ITPR3: variants seen among roughly 807,000 people sequenced by gnomAD.
ITPR3 encodes inositol 1,4,5-trisphosphate-gated calcium channel ITPR3.
ITPR3 carries 173 observed loss-of-function variants against 293.2 expected under a neutral mutation model. That is an observed-to-expected ratio of 0.59 (90% CI 0.52 to 0.67). The LOEUF is 0.67. Ranked by LOEUF, ITPR3 falls within the 30% of genes least tolerant of loss-of-function variation. ITPR3 has a pLI of 0.00. For synonymous variants in ITPR3, 1,295 were observed against 1,444.4 expected (o/e 0.90, Z 2.35); for missense variants, 2,796 against 3,592.1 (o/e 0.78, Z 5.66).
chr6:33,659,804 A>G (rs1764411737), intron 7 of ITPR3, among the ~76,000 whole-genome samples: 1 of 151,958 alleles, frequency 6.6e-6, no homozygotes, highest in African/African-American at 2.4e-5. Context: ...TCCCTTGTTT[A>G]AGGGGGTGTC....
intron 21 of ITPR3, 37 bp from the exon 22 acceptor site, chr6:33,671,992 A>T: frequency 1.3e-6 from 2 of 1,563,984 alleles, no homozygotes; most frequent in Non-Finnish European, 1.7e-6. Flanking sequence ...AGCCTCTACA[A>T]CCTCCTTGGC....
At position 33,669,119 on chromosome 6, in the gene ITPR3, G is replaced by T. The variant is rs768768980; in HGVS notation, c.2152G>T (p.Gly718Cys). 4.3e-6 allele frequency: 7 copies of T among 1,614,068 alleles called. No individual in the cohort carries two copies. The highest frequency in any genetic ancestry group is 5.9e-6 in the Non-Finnish European group (7 of 1,180,000). The change falls in exon 18 of 58, where the codon GGC becomes TGC. Residue 718 changes from glycine (G) to cysteine (C), a missense_variant. Coordinates refer to ENST00000605930, the MANE Select transcript of ITPR3 (RefSeq NM_002224.4). ...VRQLAQEARA[G>C]NAHDENVLSY... Reference sequence around the variant, plus strand: ...GCAGCTGGCCCAGGAGGCGCGGGCCGGCAACGCCCACGACGAGAATGTGCT... The same window carrying T: ...GCAGCTGGCCCAGGAGGCGCGGGCCTGCAACGCCCACGACGAGAATGTGCT...
chr6:33,684,561 G>T lies in ITPR3; in HGVS notation c.5047-37G>T. Reference sequence around the variant, plus strand: ...TCAGGCCAGTGGTCAGTGGTGGGCTGTACCCACAATGGGGCCTCACTCCCA... The same window carrying T: ...TCAGGCCAGTGGTCAGTGGTGGGCTTTACCCACAATGGGGCCTCACTCCCA... On this transcript the variant is annotated intron_variant, in intron 37 of 57. Coordinates refer to ENST00000605930, the MANE Select transcript of ITPR3 (RefSeq NM_002224.4). The surrounding 1 kb of genome is among the most constrained non-coding windows in gnomAD (Gnocchi z 4.2). 6.2e-7 allele frequency: 1 copy of T among 1,606,810 alleles called. No homozygotes were observed. The highest frequency in any genetic ancestry group is 1.1e-5 in the South Asian group (1 of 90,956).
In ITPR3 at chr6:33,686,062, C is replaced by T. The variant is rs750868601; in HGVS notation, c.5677C>T (p.Arg1893Cys). 7.4e-6 allele frequency: 12 copies of T among 1,613,922 alleles called. No individual in the cohort carries two copies. The highest frequency in any genetic ancestry group is 6.7e-5 in the Admixed American group (4 of 60,002). Residue 1893 changes from arginine to cysteine, a missense_variant, in exon 42 of 58, where the codon CGC becomes TGC. This residue lies in a region of ITPR3 where 704 missense variants were observed against 797.5 expected (regional missense o/e 0.88). Transcript: ENST00000605930. The stretch of plus-strand genomic sequence containing the variant: ...CTTCTGTGCCCCGCAGAACTTCCTG[C>T]GCTGTCAGAACAACAAAACCAACTA... ...NHNRDLQNFL[R>C]CQNNKTNYNL...
rs1158397641 is a variant in ITPR3, at chr6:33,638,803, G to C, written c.90-1681G>C. ...AAGTCAAGAAGTGGGGAGAGACACT[G>C]CCAGGACCAGGTGCCGGAACATGAA... On this transcript the variant is annotated intron_variant, in intron 1 of 57. Transcript: ENST00000605930. This position sits in a 1 kb window ranked among gnomAD's most constrained non-coding sequence, Gnocchi z 4.3. Among the ~76,000 whole-genome samples the C allele has an allele frequency of 6.6e-6, 1 of 152,248 alleles. No homozygotes were observed. The highest frequency in any genetic ancestry group is 1.5e-5 in the Non-Finnish European group (1 of 68,048).
chr6:33,673,607 G>A lies in ITPR3; in HGVS notation c.2945G>A (p.Arg982His), dbSNP rs201668734. ...CTTCTCCAGTTCATCCTCAATGTCC[G>A]CCTGGATTACCGCATATCCTACCTG... is the stretch of plus-strand genomic sequence containing the variant. The part of the protein sequence containing the change: ...LEILQFILNV[R>H]LDYRISYLLS... The change falls in exon 23 of 58, where the codon CGC becomes CAC. Residue 982 changes from arginine to histidine, a missense_variant. Physicochemically the swap from Arg to His is conservative, Grantham distance 29 (BLOSUM62 0). Coordinates refer to ENST00000605930, the MANE Select transcript of ITPR3 (RefSeq NM_002224.4). The A allele has an allele frequency of 1.1e-5, 17 of 1,614,036 alleles. No homozygotes were observed. Among genetic ancestry groups the A allele is most frequent in the East Asian group, 2.2e-5 (1 of 44,864 alleles).
Position 33,686,044 on chromosome 6 carries a change from G to A in ITPR3, c.5668-9G>A, listed in dbSNP as rs763112578. 1 of 1,613,784 alleles carries A rather than the reference G, an allele frequency of 6.2e-7. No individual in the cohort carries two copies. Among genetic ancestry groups the A allele is most frequent in the South Asian group, 1.1e-5 (1 of 91,062 alleles). On this transcript the variant is annotated splice_polypyrimidine_tract_variant and intron_variant, in intron 41 of 57. Transcript: ENST00000605930. ...GCTGTGCTGTGCCCAACCCTTCTGT[G>A]CCCCGCAGAACTTCCTGCGCTGTCA... is the stretch of plus-strand genomic sequence containing the variant.
chr6:33,664,907 A>C lies in ITPR3; in HGVS notation c.1186A>C (p.Thr396Pro). The change falls in exon 12 of 58, where the codon ACG becomes CCG. Residue 396 changes from threonine (T) to proline (P), a missense_variant. Coordinates refer to ENST00000605930, the MANE Select transcript of ITPR3 (RefSeq NM_002224.4). The surrounding 1 kb of genome is among the most constrained non-coding windows in gnomAD (Gnocchi z 4.4). ...CCGGCTGCGGCACCTCTGCACCAAC[A>C]CGTGGATTCAGAGCACCAATGTGCC... ...YVRLRHLCTNTWIQSTNVPID... is the reference protein window; with the variant it reads ...YVRLRHLCTNPWIQSTNVPID... 1 of 1,613,210 alleles carries C rather than the reference A, an allele frequency of 6.2e-7. No homozygotes were observed. The highest frequency in any genetic ancestry group is 1.1e-5 in the South Asian group (1 of 91,046).
chr6:33,684,044 C>A lies in ITPR3; in HGVS notation c.4813C>A (p.Arg1605=). 6.2e-7 allele frequency: 1 copy of A among 1,610,352 alleles called. No individual in the cohort carries two copies. ...LQDIITALEE[R]LKPLVQAELS... The stretch of plus-strand genomic sequence containing the variant: ...GGACATCATCACAGCCCTGGAGGAG[C>A]GGCTGAAGCCCCTGGTACAGGCTGA... Residue 1605 remains arginine, a synonymous_variant, in exon 36 of 58, where the codon CGG becomes AGG. Coordinates refer to ENST00000605930, the MANE Select transcript of ITPR3 (RefSeq NM_002224.4). The surrounding 1 kb of genome is among the most constrained non-coding windows in gnomAD (Gnocchi z 4.2).
At chr6:33,674,404 C>A in intron 24 of ITPR3, 139 bp downstream of exon 24, 1 of 750,286 alleles carries the variant, frequency 1.3e-6, no homozygotes, top group Non-Finnish European at 2.2e-6. Flanking sequence ...GGGCTTTGTG[C>A]TCAGCCCCTC....
In ITPR3 at chr6:33,692,083, G is replaced by A. The variant is rs1765410216; in HGVS notation, c.7458+155G>A. On this transcript the variant is annotated intron_variant, in intron 54 of 57. Transcript: ENST00000605930. The surrounding 1 kb of genome is among the most constrained non-coding windows in gnomAD (Gnocchi z 4.2). Reference sequence around the variant, plus strand: ...CACTTTTCCCTGCTTTCCACACCTGGCCAATTCCATGATATTACTGCTTAG... The same window carrying A: ...CACTTTTCCCTGCTTTCCACACCTGACCAATTCCATGATATTACTGCTTAG... Among the ~76,000 whole-genome samples the A allele has an allele frequency of 6.6e-6, 1 of 152,150 alleles. No homozygotes were observed. The highest frequency in any genetic ancestry group is 2.1e-4 in the South Asian group (1 of 4,828).
rs1046690945 is a variant in ITPR3, at chr6:33,633,650, G to T, written c.90-6834G>T. On this transcript the variant is annotated intron_variant, in intron 1 of 57. Coordinates refer to ENST00000605930, the MANE Select transcript of ITPR3 (RefSeq NM_002224.4). The surrounding 1 kb of genome is among the most constrained non-coding windows in gnomAD (Gnocchi z 5.2). ...GCGTCCTGGCAGCGGCCGGCAGTCG[G>T]AGGCAGGCCGGGGCGAGGCCGCGCT... 1.3e-5 allele frequency among the ~76,000 whole-genome samples: 2 copies of T among 150,760 alleles called. No individual in the cohort carries two copies. The highest frequency in any genetic ancestry group is 4.8e-5 in the African/African-American group (2 of 41,258).
Position 33,682,539 on chromosome 6 carries a change from G to C in ITPR3, c.4492G>C (p.Val1498Leu), listed in dbSNP as rs752860641. 1.3e-6 allele frequency: 2 copies of C among 1,546,250 alleles called. No homozygotes were observed. Among genetic ancestry groups the C allele is most frequent in the East Asian group, 5.0e-5 (2 of 39,626 alleles). ...STSLQTHQTIVVQLLQSTTRL... is the reference protein window; with the variant it reads ...STSLQTHQTILVQLLQSTTRL... ...CTTCTTGCAGACACACCAGACGATT[G>C]TGGTGCAGCTGCTGCAGTCTACCAC... The change falls in exon 34 of 58, where the codon GTG (valine) becomes CTG (leucine). Residue 1498 changes from valine (V) to leucine (L), a missense_variant. Physicochemically the swap from Val to Leu is conservative, Grantham distance 32. Coordinates refer to ENST00000605930, the MANE Select transcript of ITPR3 (RefSeq NM_002224.4). This position sits in a 1 kb window ranked among gnomAD's most constrained non-coding sequence, Gnocchi z 5.4.
At chr6:33,676,529 C>G (rs1764910675) in intron 25 of ITPR3, among the ~76,000 whole-genome samples, 1 of 152,216 alleles carries the variant, frequency 6.6e-6, no homozygotes, top group East Asian at 1.9e-4. Context: ...TAACTGAAGC[C>G]AGGTTATGTG....
chr6:33,657,938 G>A lies in ITPR3; in HGVS notation c.289G>A (p.Ala97Thr). The change falls in exon 4 of 58, where the codon GCG becomes ACG. Residue 97 changes from alanine (A) to threonine (T), a missense_variant. Ala to Thr is a moderately conservative substitution (Grantham distance 58). Around this residue, in one of 8 missense-constraint regions of ITPR3, gnomAD observed 144 missense variants for 230.8 expected, o/e 0.62. Transcript: ENST00000605930. ...TCTGTGTGTGTCTGTGCAGCATGCG[G>A]CGCAGATGGAGCAGAAGCAAAATGA... ...VVLLQKLQHA[A>T]QMEQKQNDTE... 1.4e-5 allele frequency: 23 copies of A among 1,613,678 alleles called. No individual in the cohort carries two copies. The highest frequency in any genetic ancestry group is 1.9e-5 in the Non-Finnish European group (23 of 1,179,792).
chr6:33,651,416 G>C (rs1299260339), intron 2 of ITPR3, among the ~76,000 whole-genome samples: 1 of 152,160 alleles, frequency 6.6e-6, no homozygotes, highest in Non-Finnish European at 1.5e-5. Context: ...GGTCGTTTGG[G>C]GTTACTTGAA....
rs751537286 is a variant in ITPR3 at position 33,680,574 on chromosome 6, A to G, written c.4370A>G (p.Lys1457Arg). The G allele has an allele frequency of 1.9e-6, 3 of 1,613,882 alleles. No homozygotes were observed. The highest frequency in any genetic ancestry group is 2.5e-6 in the Non-Finnish European group (3 of 1,179,962). ...DMARVCSKRE[K>R]RVADPTLEKY... ...CCTCAGGTCTGCAGCAAGCGTGAGAAGCGCGTGGCTGACCCCACCTTGGAG... is the reference window on the plus strand; with the variant it reads ...CCTCAGGTCTGCAGCAAGCGTGAGAGGCGCGTGGCTGACCCCACCTTGGAG... The change falls in exon 33 of 58, where the codon AAG (lysine) becomes AGG (arginine). Residue 1457 changes from lysine to arginine, a missense_variant. By Grantham distance (26) the Lys-to-Arg change is conservative. Around this residue, in one of 8 missense-constraint regions of ITPR3, gnomAD observed 344 missense variants for 460.3 expected, o/e 0.75. Transcript: ENST00000605930.
chr6:33,622,758 C>T (rs1352785331), intron 1 of ITPR3, among the ~76,000 whole-genome samples: 1 of 152,120 alleles, frequency 6.6e-6, no homozygotes, highest in African/African-American at 2.4e-5. Context: ...CAGGGCCCGG[C>T]TCACCCCAAG....
rs75359196 is a variant in ITPR3 at position 33,638,652 on chromosome 6, C to T, written c.90-1832C>T. 0.053 allele frequency among the ~76,000 whole-genome samples: 8,070 copies of T among 152,288 alleles called. 233 individuals carry two copies. Among genetic ancestry groups the T allele is most frequent in the East Asian group, 0.082 (427 of 5,186 alleles). On this transcript the variant is annotated intron_variant, in intron 1 of 57. Transcript: ENST00000605930. This position sits in a 1 kb window ranked among gnomAD's most constrained non-coding sequence, Gnocchi z 4.3. ...GGCTTTAAGAGCTCTGGCCAGGAGC[C>T]GGGATGAAGACCAAATATATATTTC... is the stretch of plus-strand genomic sequence containing the variant.
Sources: gnomAD v4.1 joint callset for allele counts (sites outside exome capture counted in the v4.1 genomes callset) on GRCh38, gnomAD v4.1.1 for gene constraint, gnomAD v4.1.1 regional missense constraint, Gnocchi (gnomAD v3.1) non-coding constraint, MANE v1.5 for transcripts, NCBI Gene and HGNC (gene_info 2026-07-23, HGNC 2026-07-21) for gene names.